SEMA5A: variants seen among roughly 807,000 people sequenced by gnomAD.
SEMA5A encodes the protein semaphorin-5A.
A neutral mutation model predicts 135.5 loss-of-function variants in SEMA5A; 55 were observed. That is an observed-to-expected ratio of 0.41 (90% CI 0.33 to 0.51). SEMA5A has a LOEUF of 0.51. SEMA5A is among the 20% of genes least tolerant of loss of function. The pLI is 0.37. For synonymous variants in SEMA5A, 580 were observed against 546.5 expected, an observed-to-expected ratio of 1.06 and a Z score of -0.85; for missense variants, 1,290 against 1,419.9, an observed-to-expected ratio of 0.91 and a Z score of 1.47.
chr5:9,126,556 CA>C (rs112437159), intron 13 of SEMA5A, among the ~76,000 whole-genome samples: 240 of 136,316 alleles, frequency 1.8e-3, no homozygotes, highest in Middle Eastern at 4.0e-3. Flanking sequence ...GGAATGACAG[CA>C]AAAAAAAAAA....
chr5:9,296,710 C>A (rs3777308), intron 5 of SEMA5A, among the ~76,000 whole-genome samples: 4 of 151,718 alleles, frequency 2.6e-5, no homozygotes, highest in African/African-American at 4.9e-5. Flanking sequence ...GAAAGCAGGC[C>A]GGTCAAAAAG....
intron 14 of SEMA5A, 94 bp from the exon 15 acceptor site, chr5:9,119,235 A>T (rs1740684272): frequency 6.8e-7 from 1 of 1,466,978 alleles, no homozygotes; most frequent in South Asian, 1.2e-5. Context: ...GTTCCTCAGG[A>T]GGATCACGCT....
intron 5 of SEMA5A, among the ~76,000 whole-genome samples, chr5:9,258,884 T>C (rs1446686527): frequency 7.0e-6 from 1 of 143,874 alleles, no homozygotes; most frequent in African/African-American, 2.5e-5. Flanking sequence ...TCATGATCTC[T>C]GCTCACTGGA....
At position 9,057,110 on chromosome 5, in the gene SEMA5A, G is replaced by T. The variant is rs78166981; in HGVS notation, c.2519-2853C>A. Among the ~76,000 whole-genome samples the T allele has an allele frequency of 6.2e-3, 943 of 152,312 alleles. 8 individuals are homozygous for T. Among genetic ancestry groups the T allele is most frequent in the African/African-American group, 0.021 (874 of 41,568 alleles). On this transcript the variant is annotated intron_variant, in intron 18 of 22. Transcript: ENST00000382496. ...AGAAGCAGAGAGTAAAACGGTGGTT[G>T]CCAGGGACTGGGGGAGAGGGAAGTG...
intron 16 of SEMA5A, among the ~76,000 whole-genome samples, chr5:9,083,585 TTCATC>T (rs1738511906): frequency 1.5e-4 from 10 of 65,850 alleles, no homozygotes; most frequent in South Asian, 1.5e-3. Flanking sequence ...CATTCATCCA[TTCATC>T]CATCCATCCA....
intron 11 of SEMA5A, among the ~76,000 whole-genome samples, chr5:9,164,267 G>T (rs56372622): frequency 4.3e-5 from 6 of 139,178 alleles, no homozygotes; most frequent in Non-Finnish European, 6.2e-5. Context: ...ATAAATATAT[G>T]ATATAAATAT....
At chr5:9,220,834 G>T (rs188113276) in intron 8 of SEMA5A, among the ~76,000 whole-genome samples, 14 of 152,314 alleles carry the variant, frequency 9.2e-5, no homozygotes, top group Admixed American at 5.9e-4. Context: ...CTCAAATAAT[G>T]TAACTAGACA....
chr5:9,122,994 G>T (rs954663669), intron 13 of SEMA5A, among the ~76,000 whole-genome samples, 157 bp from the exon 14 acceptor site: 1 of 152,012 alleles, frequency 6.6e-6, no homozygotes. Context: ...GGTGGTTCAC[G>T]CCTGCATCCC....
intron 16 of SEMA5A, among the ~76,000 whole-genome samples, chr5:9,106,892 T>C (rs985115088): frequency 6.6e-6 from 1 of 152,218 alleles, no homozygotes; most frequent in Non-Finnish European, 1.5e-5. Context: ...CAGTATCTTT[T>C]CCATTGTGAA....
At chr5:9,171,264 A>T (rs1014397747) in intron 11 of SEMA5A, among the ~76,000 whole-genome samples, 3 of 152,154 alleles carry the variant, frequency 2.0e-5, no homozygotes, top group African/African-American at 7.2e-5. Context: ...TATCAACAGG[A>T]TCTGGTGAGC....
chr5:9,354,144 T>C (rs1167061207), intron 3 of SEMA5A, among the ~76,000 whole-genome samples: 1 of 152,126 alleles, frequency 6.6e-6, no homozygotes, highest in African/African-American at 2.4e-5. Context: ...GGAAAATAAA[T>C]GTCCTTCCAT....
chr5:9,100,074 G>A (rs769190861), intron 16 of SEMA5A, among the ~76,000 whole-genome samples: 1 of 152,236 alleles, frequency 6.6e-6, no homozygotes, highest in Non-Finnish European at 1.5e-5. Flanking sequence ...CTGGCAGAAA[G>A]TGGAGTGCCA....
At chr5:9,331,559 A>G (rs967707856) in intron 4 of SEMA5A, among the ~76,000 whole-genome samples, 1 of 152,198 alleles carries the variant, frequency 6.6e-6, no homozygotes, top group Non-Finnish European at 1.5e-5. Flanking sequence ...AGACTTAACC[A>G]ATTAGAAACC....
At chr5:9,055,790 CAGTT>C (rs767964827) in intron 18 of SEMA5A, among the ~76,000 whole-genome samples, 8 of 151,230 alleles carry the variant, frequency 5.3e-5, no homozygotes, top group Non-Finnish European at 7.4e-5. Flanking sequence ...GTATATCAGA[CAGTT>C]AGAGGAATTG....
At chr5:9,472,232 A>C (rs1759501846) in intron 1 of SEMA5A, among the ~76,000 whole-genome samples, 1 of 152,120 alleles carries the variant, frequency 6.6e-6, no homozygotes. Flanking sequence ...CTTCTCTAAA[A>C]CTTGGCAGTG....
At position 9,047,490 on chromosome 5, in the gene SEMA5A, C is replaced by T. The variant is rs984771734; in HGVS notation, c.2894-2906G>A. Among the ~76,000 whole-genome samples the T allele has an allele frequency of 5.3e-5, 8 of 152,230 alleles. No homozygotes were observed. The East Asian group carries it at 1.5e-3, about 29-fold the overall frequency. On this transcript the variant is annotated intron_variant, in intron 21 of 22. Transcript: ENST00000382496. ...GATTTTCTGCATGGGGAAAGCAGTG[C>T]CCATTAAATTTGTTCTGAATGTGCT...
chr5:9,408,414 G>T (rs565055726), intron 2 of SEMA5A, among the ~76,000 whole-genome samples: 2 of 152,274 alleles, frequency 1.3e-5, no homozygotes, highest in South Asian at 4.2e-4. Flanking sequence ...GATCTGGGAT[G>T]TCCTCTCCAC....
chr5:9,272,829 G>C (rs746941103), intron 5 of SEMA5A, among the ~76,000 whole-genome samples: 26 of 152,112 alleles, frequency 1.7e-4, no homozygotes, highest in Admixed American at 4.6e-4. Flanking sequence ...CAACCAAAAG[G>C]ATGCCCACTC....
chr5:9,178,175 G>A (rs1456149495), intron 11 of SEMA5A, among the ~76,000 whole-genome samples: 1 of 151,988 alleles, frequency 6.6e-6, no homozygotes, highest in Non-Finnish European at 1.5e-5. Context: ...AGCAGAATCT[G>A]CTCTTAAATA....
Sources: gnomAD v4.1 joint callset for allele counts (sites outside exome capture counted in the v4.1 genomes callset) on GRCh38, gnomAD v4.1.1 for gene constraint, MANE v1.5 for transcripts, NCBI Gene and HGNC (gene_info 2026-07-23, HGNC 2026-07-21) for gene names.